The following ARAP3 variants were observed in gnomAD, a reference collection of about 807,000 sequenced individuals.
The protein encoded by ARAP3 is arf-GAP with Rho-GAP domain, ANK repeat and PH domain-containing protein 3.
A neutral mutation model predicts 169.2 loss-of-function variants in ARAP3; 82 were observed. That is an observed-to-expected ratio of 0.48 (90% CI 0.41 to 0.58). The LOEUF is 0.58. Ranked by LOEUF, ARAP3 falls within the 20% of genes least tolerant of loss-of-function variation. ARAP3 has a pLI of 0.00. For synonymous variants in ARAP3, 791 were observed against 800.3 expected (o/e 0.99, Z 0.20); for missense variants, 1,764 against 2,018.0 (o/e 0.87, Z 2.41).
At chr5:141,660,456 T>C (rs1339323393) in intron 21 of ARAP3, among the ~76,000 whole-genome samples, 3 of 147,718 alleles carry the variant, frequency 2.0e-5, no homozygotes, top group Non-Finnish European at 4.5e-5. Flanking sequence ...ATTGCGCCAC[T>C]GCACTCCCGC....
intron 21 of ARAP3, among the ~76,000 whole-genome samples, chr5:141,660,469 G>A (rs1321190694): frequency 1.3e-5 from 2 of 150,544 alleles, no homozygotes; most frequent in African/African-American, 4.9e-5. Flanking sequence ...ACTCCCGCCT[G>A]GGCCACAGAG....
At position 141,667,503 on chromosome 5, in the gene ARAP3, G is replaced by A. The variant is rs536070018; in HGVS notation, c.2353-860C>T. The stretch of plus-strand genomic sequence containing the variant: ...GGGTGGAGTACAGTGGCATGATCTC[G>A]GCTCACTGCAACCTCTGCCTCCCGG... On this transcript the variant is annotated intron_variant, in intron 16 of 32. Coordinates refer to ENST00000239440, the MANE Select transcript of ARAP3 (RefSeq NM_022481.6). Among the ~76,000 whole-genome samples, 125 of 148,426 alleles carry A rather than the reference G, an allele frequency of 8.4e-4. 2 individuals are homozygous for A. Among genetic ancestry groups the A allele is most frequent in the African/African-American group, 2.9e-3 (118 of 40,298 alleles).
Position 141,661,687 on chromosome 5 carries a change from T to A in ARAP3, c.3116A>T (p.Tyr1039Phe), listed in dbSNP as rs995537356. 2.5e-6 allele frequency: 4 copies of A among 1,614,150 alleles called. No individual in the cohort carries two copies. Among genetic ancestry groups the A allele is most frequent in the Non-Finnish European group, 3.4e-6 (4 of 1,179,984 alleles). Reference protein sequence around the residue: ...RTLATLIGHLYRVQKCAALNQ... With the variant: ...RTLATLIGHLFRVQKCAALNQ... ...CAGAGGGTCTAGCCATACTGACCGA[T>A]AGAGATGCCCAATGAGGGTGGCCAG... is the stretch of plus-strand genomic sequence containing the variant. The change falls in exon 21 of 33, where the codon TAT becomes TTT. Residue 1039 changes from tyrosine to phenylalanine, a missense_variant. Physicochemically the swap from Tyr to Phe is conservative, Grantham distance 22. Coordinates refer to ENST00000239440, the MANE Select transcript of ARAP3 (RefSeq NM_022481.6).
rs775363547 is a variant in ARAP3 at position 141,673,451 on chromosome 5, G to A, written c.922C>T (p.Arg308Cys). 4 of 1,614,106 alleles carry A rather than the reference G, an allele frequency of 2.5e-6. No individual in the cohort carries two copies. Among genetic ancestry groups the A allele is most frequent in the East Asian group, 2.2e-5 (1 of 44,878 alleles). Residue 308 changes from arginine to cysteine, a missense_variant, in exon 6 of 33, where the codon CGC becomes TGC. By Grantham distance (180) the Arg-to-Cys change is radical. Coordinates refer to ENST00000239440, the MANE Select transcript of ARAP3 (RefSeq NM_022481.6). The part of the protein sequence containing the change: ...SPQGNYVFQR[R>C]FVQFNGRSLM... ...CTCCTCCCATTGAACTGCACAAAGC[G>A]TCTCTGGAAGACATAGTTTCTGAGG...
intron 4 of ARAP3, among the ~76,000 whole-genome samples, chr5:141,675,548 G>A (rs539406606): frequency 5.6e-4 from 85 of 152,018 alleles, no homozygotes; most frequent in African/African-American, 2.0e-3. Flanking sequence ...GTGAAACCCC[G>A]TCTCTACTAA....
At chr5:141,661,563 T>C in intron 21 of ARAP3, 121 bp downstream of exon 21, 1 of 1,034,880 alleles carries the variant, frequency 9.7e-7, no homozygotes, top group South Asian at 1.5e-5. Context: ...AGTGCTATGA[T>C]ACCTTCACTT....
chr5:141,659,741 G>A, intron 22 of ARAP3, 38 bp downstream of exon 22: 1 of 1,593,362 alleles, frequency 6.3e-7, no homozygotes, highest in Non-Finnish European at 8.6e-7. Flanking sequence ...CAAGGGTAGG[G>A]GAAAGGGGTT....
intron 32 of ARAP3, 142 bp downstream of exon 32, chr5:141,655,220 T>C (rs1231939948): frequency 2.6e-6 from 1 of 387,788 alleles, no homozygotes; most frequent in African/African-American, 5.3e-5. Flanking sequence ...CACACCCTGA[T>C]GGCCTACACA....
At chr5:141,661,663 A>C in intron 21 of ARAP3, 21 bp downstream of exon 21, 1 of 1,606,528 alleles carries the variant, frequency 6.2e-7, no homozygotes, top group Non-Finnish European at 8.5e-7. Flanking sequence ...AGGGTTCTGC[A>C]GAGGGTCTAG....
intron 32 of ARAP3, 143 bp from the exon 33 acceptor site, chr5:141,654,578 G>A (rs2099908947): frequency 8.2e-7 from 1 of 1,220,020 alleles, no homozygotes; most frequent in Non-Finnish European, 1.1e-6. Context: ...CTGTGCAGTG[G>A]GTTACACTGA....
intron 14 of ARAP3, 129 bp downstream of exon 14, chr5:141,670,383 G>A: frequency 2.9e-6 from 3 of 1,027,458 alleles, no homozygotes; most frequent in Non-Finnish European, 4.5e-6. Flanking sequence ...TCACCCCCAG[G>A]ACCCCAGCCC....
At chr5:141,665,266 T>C in intron 18 of ARAP3, 45 bp downstream of exon 18, 7 of 1,608,900 alleles carry the variant, frequency 4.4e-6, no homozygotes, top group Non-Finnish European at 6.0e-6. Flanking sequence ...GTATGGGCTC[T>C]GCTCCAGGAA....
chr5:141,681,090 C>T (rs968428682), intron 1 of ARAP3, among the ~76,000 whole-genome samples: 11 of 152,162 alleles, frequency 7.2e-5, no homozygotes, highest in Admixed American at 2.6e-4. Context: ...CTCAGACTTC[C>T]TTCCTGTCCC....
rs1257733627 is a variant in ARAP3 at position 141,672,930 on chromosome 5, T to A, written c.1094-5A>T. ...AGCACCACATGTCCCGCTGAGCTGG[T>A]GGGGATGGAGAAGCAGGTCAGTGGC... is the stretch of plus-strand genomic sequence containing the variant. On this transcript the variant is annotated splice_region_variant and splice_polypyrimidine_tract_variant and intron_variant, in intron 7 of 32. Transcript: ENST00000239440. The surrounding 1 kb of genome is among the most constrained non-coding windows in gnomAD (Gnocchi z 4.9). 1.2e-6 allele frequency: 2 copies of A among 1,611,798 alleles called. No individual in the cohort carries two copies. The highest frequency in any genetic ancestry group is 4.5e-5 in the East Asian group (2 of 44,832).
At chr5:141,659,269 T>A (rs975907279) in intron 23 of ARAP3, 139 bp downstream of exon 23, 2 of 748,178 alleles carry the variant, frequency 2.7e-6, no homozygotes, top group African/African-American at 3.5e-5. Flanking sequence ...TCTCATTGGG[T>A]TCCCCCTGTC....
chr5:141,680,585 G>A, intron 1 of ARAP3, 82 bp from the exon 2 acceptor site: 1 of 1,448,062 alleles, frequency 6.9e-7, no homozygotes, highest in Non-Finnish European at 9.0e-7. Context: ...TGGACAGTGA[G>A]CACCAGCCTC....
At chr5:141,668,447 C>T (rs149261645) in intron 16 of ARAP3, among the ~76,000 whole-genome samples, 1 of 152,156 alleles carries the variant, frequency 6.6e-6, no homozygotes, top group South Asian at 2.1e-4. Flanking sequence ...TGTCAAATTG[C>T]TATAAAATAT....
rs139633951 is a variant in ARAP3, at chr5:141,673,701, C to T, written c.806G>A (p.Ser269Asn). The T allele has an allele frequency of 1.2e-6, 2 of 1,614,226 alleles. No individual in the cohort carries two copies. Among genetic ancestry groups the T allele is most frequent in the Non-Finnish European group, 1.7e-6 (2 of 1,180,048 alleles). ...LSPTLETEET[S>N]DDLISPYASF... The stretch of plus-strand genomic sequence containing the variant: ...GGCATAGGGTGAAATGAGGTCATCA[C>T]TGGTCTCCTCTGTTTCCAGGGTGGG... The change falls in exon 5 of 33, where the codon AGT becomes AAT. Residue 269 changes from serine to asparagine, a missense_variant. Physicochemically the swap from Ser to Asn is conservative, Grantham distance 46 (BLOSUM62 1). This residue lies in a region of ARAP3 where 630 missense variants were observed against 678.7 expected (regional missense o/e 0.93). Transcript: ENST00000239440.
In ARAP3 at chr5:141,672,614, G is replaced by A. The variant is rs770816941; in HGVS notation, c.1323C>T (p.Gly441=). 2 of 1,614,004 alleles carry A rather than the reference G, an allele frequency of 1.2e-6. No homozygotes were observed. Among genetic ancestry groups the A allele is most frequent in the East Asian group, 2.2e-5 (1 of 44,874 alleles). ...GACTCTTGGTCTCCCGGACGCTGCA[G>A]CCCTGCAGTTCGATGAAGCAGATCC... ...GIGICFIELQ[G]CSVRETKSRS... is the part of the protein sequence containing the mutation. Residue 441 remains glycine (G), a synonymous_variant, in exon 9 of 33, where the codon GGC becomes GGT. Coordinates refer to ENST00000239440, the MANE Select transcript of ARAP3 (RefSeq NM_022481.6). The surrounding 1 kb of genome is among the most constrained non-coding windows in gnomAD (Gnocchi z 4.9).
Sources: allele counts gnomAD v4.1 joint callset (sites outside exome capture counted in the v4.1 genomes callset), GRCh38; gene constraint gnomAD v4.1.1; regional missense constraint gnomAD v4.1.1; non-coding constraint Gnocchi (gnomAD v3.1); transcripts MANE v1.5; gene names NCBI Gene and HGNC (gene_info 2026-07-23, HGNC 2026-07-21).